The following DMRT1 variants were observed in gnomAD, a reference collection of about 807,000 sequenced individuals.
The protein encoded by DMRT1 is doublesex and mab-3 related transcription factor 1, also known as doublesex- and mab-3-related transcription factor 1.
DMRT1 carries 7 observed loss-of-function variants against 32.3 expected under a neutral mutation model. The ratio of observed to expected loss-of-function variants is 0.22; its 90% CI spans 0.12 to 0.41. The LOEUF is 0.41. DMRT1 is among the 10% of genes least tolerant of loss of function. The probability of loss-of-function intolerance (pLI) is 1.00; values close to 1 mark genes in which losing one functional copy is unlikely to be tolerated. For synonymous variants in DMRT1, 278 were observed against 206.1 expected (o/e 1.35, Z -2.99); for missense variants, 625 against 500.5 (o/e 1.25, Z -2.37).
At chr9:861,313 G>C (rs566514365) in intron 2 of DMRT1, among the ~76,000 whole-genome samples, 2 of 152,126 alleles carry the variant, frequency 1.3e-5, no homozygotes. Context: ...ACAAAGCACA[G>C]TTTGCACCGC....
At chr9:906,843 C>G (rs971830576) in intron 3 of DMRT1, among the ~76,000 whole-genome samples, 1 of 152,198 alleles carries the variant, frequency 6.6e-6, no homozygotes, top group Non-Finnish European at 1.5e-5. Context: ...AGAGAAATCT[C>G]AGAAGCGTCT....
intron 4 of DMRT1, among the ~76,000 whole-genome samples, chr9:936,866 A>G (rs1474474597): frequency 6.6e-6 from 1 of 152,162 alleles, no homozygotes; most frequent in Non-Finnish European, 1.5e-5. Context: ...TTGCCATTTT[A>G]ACATTTTTAA....
intron 3 of DMRT1, chr9:895,032 C>G (rs1169459032): frequency 1.3e-5 from 2 of 152,190 alleles, no homozygotes; most frequent in African/African-American, 4.8e-5. Context: ...CCAGGCTGGT[C>G]TTGAACTCCT....
At chr9:849,968 C>T (rs1443416080) in intron 2 of DMRT1, among the ~76,000 whole-genome samples, 1 of 152,170 alleles carries the variant, frequency 6.6e-6, no homozygotes, top group African/African-American at 2.4e-5. Context: ...GGATTACAAG[C>T]ATGCGCTATC....
intron 3 of DMRT1, among the ~76,000 whole-genome samples, 183 bp from the exon 4 acceptor site, chr9:916,580 C>T (rs1290370350): frequency 3.3e-5 from 5 of 152,294 alleles, no homozygotes; most frequent in African/African-American, 9.6e-5. Context: ...CTGTGTTGCC[C>T]TGGCTGGTCT....
chr9:887,022 G>C (rs1199499862), intron 2 of DMRT1, among the ~76,000 whole-genome samples: 1 of 152,190 alleles, frequency 6.6e-6, no homozygotes, highest in Admixed American at 6.5e-5. Context: ...CTGGATGACA[G>C]ATATTAACAA....
At chr9:846,432 G>C (rs924502428) in intron 1 of DMRT1, among the ~76,000 whole-genome samples, 11 of 152,114 alleles carry the variant, frequency 7.2e-5, no homozygotes, top group Admixed American at 5.2e-4. Flanking sequence ...TGGAATGAAG[G>C]AGTGAGTGAT....
At chr9:847,594 G>T (rs73639436) in intron 2 of DMRT1, among the ~76,000 whole-genome samples, 1 of 152,202 alleles carries the variant, frequency 6.6e-6, no homozygotes, top group East Asian at 1.9e-4. Context: ...GGAAGGCCAC[G>T]TTGGCTTGAA....
rs755055526 is a variant in DMRT1 at position 842,006 on chromosome 9, C to T, written c.168C>T (p.Ser56=). The T allele has an allele frequency of 1.3e-6, 2 of 1,556,760 alleles. No homozygotes were observed. The highest frequency in any genetic ancestry group is 8.7e-7 in the Non-Finnish European group (1 of 1,152,746). ...SAGGSSRGGG[S]GSGASDLGAG... is the part of the protein sequence containing the mutation. Reference sequence around the variant, plus strand: ...GGGGCAGCAGCAGAGGAGGCGGCTCCGGCTCCGGGGCGTCGGACCTGGGTG... The same window carrying T: ...GGGGCAGCAGCAGAGGAGGCGGCTCTGGCTCCGGGGCGTCGGACCTGGGTG... The change falls in exon 1 of 5, where the codon TCC becomes TCT. Residue 56 remains serine (S), a synonymous_variant. Transcript: ENST00000382276.
chr9:902,180 G>C (rs1245424515), intron 3 of DMRT1, among the ~76,000 whole-genome samples: 1 of 151,940 alleles, frequency 6.6e-6, no homozygotes, highest in African/African-American at 2.4e-5. Context: ...AAAGTGCTGG[G>C]ATTACAGGCG....
At chr9:926,170 T>C (rs906511138) in intron 4 of DMRT1, among the ~76,000 whole-genome samples, 3 of 54,706 alleles carry the variant, frequency 5.5e-5, no homozygotes, top group African/African-American at 1.3e-4. Context: ...ATATCAGGTG[T>C]GGTGTTCTCT....
intron 3 of DMRT1, among the ~76,000 whole-genome samples, chr9:896,421 G>A (rs1024184345): frequency 6.6e-6 from 1 of 151,174 alleles, no homozygotes; most frequent in Non-Finnish European, 1.5e-5. Flanking sequence ...TGGGATTATA[G>A]GCACGCACCA....
At chr9:955,716 A>G (rs1328597212) in intron 4 of DMRT1, among the ~76,000 whole-genome samples, 1 of 152,246 alleles carries the variant, frequency 6.6e-6, no homozygotes, top group African/African-American at 2.4e-5. Context: ...AAAAAGCAGC[A>G]GCAAAAAACT....
At chr9:935,890 C>T (rs1350159252) in intron 4 of DMRT1, among the ~76,000 whole-genome samples, 2 of 152,228 alleles carry the variant, frequency 1.3e-5, no homozygotes, top group Non-Finnish European at 2.9e-5. Flanking sequence ...CACTTCACTG[C>T]TGTGAAACCA....
At chr9:896,765 A>G (rs1284646717) in intron 3 of DMRT1, among the ~76,000 whole-genome samples, 1 of 151,644 alleles carries the variant, frequency 6.6e-6, no homozygotes, top group East Asian at 2.0e-4. Context: ...GTGAGCAGAG[A>G]TCGCGCCATT....
intron 4 of DMRT1, among the ~76,000 whole-genome samples, chr9:964,152 A>G (rs1819859772): frequency 6.6e-6 from 1 of 152,176 alleles, no homozygotes; most frequent in Non-Finnish European, 1.5e-5. Context: ...GTTAAAAGTC[A>G]GGGGTCTTTG....
chr9:854,756 T>C (rs1308489672), intron 2 of DMRT1, among the ~76,000 whole-genome samples: 1 of 140,024 alleles, frequency 7.1e-6, no homozygotes, highest in Admixed American at 7.5e-5. Context: ...TCAGAGTTTC[T>C]AGCAAAACAA....
chr9:899,979 T>C (rs532432541), intron 3 of DMRT1, among the ~76,000 whole-genome samples: 1 of 152,358 alleles, frequency 6.6e-6, no homozygotes, highest in Admixed American at 6.5e-5. Flanking sequence ...TCCTCTGAAG[T>C]GTTTTATGGT....
At chr9:919,998 G>C (rs918511613) in intron 4 of DMRT1, among the ~76,000 whole-genome samples, 8 of 152,108 alleles carry the variant, frequency 5.3e-5, no homozygotes, top group Non-Finnish European at 1.0e-4. Context: ...AGTAGATTGG[G>C]GTTTCCAATT....
Sources: allele counts gnomAD v4.1 joint callset (sites outside exome capture counted in the v4.1 genomes callset), GRCh38; gene constraint gnomAD v4.1.1; transcripts MANE v1.5; gene names NCBI Gene and HGNC (gene_info 2026-07-23, HGNC 2026-07-21).